EXOC6B: variants seen among roughly 807,000 people sequenced by gnomAD.
EXOC6B encodes exocyst complex component 6B, also known as SEC15 homolog B.
A neutral mutation model predicts 113.5 loss-of-function variants in EXOC6B; 54 were observed. The ratio of observed to expected loss-of-function variants is 0.48; its 90% CI spans 0.38 to 0.60. The LOEUF is 0.60. Among genes scored for constraint, EXOC6B ranks in the 20% least tolerant of loss-of-function variants. EXOC6B has a pLI of 0.00. For synonymous variants in EXOC6B, 357 were observed against 339.0 expected (o/e 1.05, Z -0.58); for missense variants, 797 against 977.5 (o/e 0.82, Z 2.46).
At position 72,791,495 on chromosome 2, in the gene EXOC6B, C is replaced by A. The variant is rs983944413; in HGVS notation, c.113+34303G>T. ...GAGGGAAGTTGAGGCTGTGGCAAAC[C>A]AAGACAGTGCCACTGCACTCCAGCC... On this transcript the variant is annotated intron_variant, in intron 1 of 21. Transcript: ENST00000272427. Among the ~76,000 whole-genome samples the A allele has an allele frequency of 3.3e-5, 5 of 152,146 alleles. No homozygotes were observed. The East Asian group carries it at 7.7e-4, about 23-fold the overall frequency.
At chr2:72,780,415 T>A (rs553477693) in intron 1 of EXOC6B, among the ~76,000 whole-genome samples, 200 of 152,342 alleles carry the variant, frequency 1.3e-3, no homozygotes, top group Non-Finnish European at 2.4e-3. Flanking sequence ...TTTTTCAGCA[T>A]TTTTTGTTGT....
intron 1 of EXOC6B, among the ~76,000 whole-genome samples, chr2:72,782,383 T>G (rs1488997747): frequency 6.6e-6 from 1 of 152,162 alleles, no homozygotes; most frequent in African/African-American, 2.4e-5. Flanking sequence ...TCTTTTTTAT[T>G]TTTTAAAATT....
At chr2:72,372,245 C>G (rs771053740) in intron 19 of EXOC6B, among the ~76,000 whole-genome samples, 4 of 152,068 alleles carry the variant, frequency 2.6e-5, no homozygotes, top group Non-Finnish European at 5.9e-5. Context: ...CCATATTACC[C>G]AAAGCAATCT....
At chr2:72,473,828 ATTTG>A (rs1698556120) in intron 17 of EXOC6B, among the ~76,000 whole-genome samples, 1 of 150,766 alleles carries the variant, frequency 6.6e-6, no homozygotes, top group South Asian at 2.1e-4. Flanking sequence ...TCTCTTCTTC[ATTTG>A]TTTGTTTGCT....
At chr2:72,557,805 AT>A (rs1169014056) in intron 8 of EXOC6B, among the ~76,000 whole-genome samples, 2 of 151,988 alleles carry the variant, frequency 1.3e-5, no homozygotes, top group East Asian at 1.9e-4. Flanking sequence ...CCAAACCTAA[AT>A]TTTTTTTAAA....
intron 1 of EXOC6B, among the ~76,000 whole-genome samples, chr2:72,750,141 C>T (rs1681949784): frequency 6.6e-6 from 1 of 151,768 alleles, no homozygotes; most frequent in African/African-American, 2.4e-5. Context: ...CATTCAACTC[C>T]TGGTCCAATT....
chr2:72,396,255 G>A (rs1190883205), intron 18 of EXOC6B, among the ~76,000 whole-genome samples: 1 of 152,080 alleles, frequency 6.6e-6, no homozygotes, highest in African/African-American at 2.4e-5. Context: ...AGCTGTAAAA[G>A]AGGAAACTTC....
chr2:72,676,782 G>A (rs2104525669), intron 6 of EXOC6B, among the ~76,000 whole-genome samples: 1 of 152,190 alleles, frequency 6.6e-6, no homozygotes, highest in South Asian at 2.1e-4. Context: ...ACCAAAGAGG[G>A]CAAGAAAAAT....
At chr2:72,450,735 A>G (rs925839907) in intron 18 of EXOC6B, among the ~76,000 whole-genome samples, 8 of 152,220 alleles carry the variant, frequency 5.3e-5, no homozygotes, top group Non-Finnish European at 8.8e-5. Flanking sequence ...ATCTTCCCTC[A>G]ATAGCATAGA....
chr2:72,499,693 A>AT (rs1328276543), intron 12 of EXOC6B, among the ~76,000 whole-genome samples: 1 of 151,858 alleles, frequency 6.6e-6, no homozygotes, highest in Non-Finnish European at 1.5e-5. Flanking sequence ...GCTACTGGTG[A>AT]TTTTTTATGT....
chr2:72,367,906 C>T (rs1283531464), intron 19 of EXOC6B, among the ~76,000 whole-genome samples: 1 of 152,192 alleles, frequency 6.6e-6, no homozygotes, highest in African/African-American at 2.4e-5. Context: ...GAGCTCTCAG[C>T]AAGCCTCATT....
At chr2:72,377,806 T>C (rs1691443667) in intron 19 of EXOC6B, among the ~76,000 whole-genome samples, 1 of 152,172 alleles carries the variant, frequency 6.6e-6, no homozygotes, top group African/African-American at 2.4e-5. Flanking sequence ...AATAACAATG[T>C]ACTGAAATCT....
chr2:72,711,822 G>C (rs1446475368), intron 6 of EXOC6B, among the ~76,000 whole-genome samples: 1 of 152,140 alleles, frequency 6.6e-6, no homozygotes, highest in East Asian at 1.9e-4. Flanking sequence ...ATACAGCATG[G>C]ATACGCTGGA....
intron 6 of EXOC6B, among the ~76,000 whole-genome samples, chr2:72,670,899 G>T (rs183103320): frequency 1.6e-3 from 236 of 152,166 alleles, no homozygotes; most frequent in African/African-American, 5.0e-3. Flanking sequence ...GTTCTATGAT[G>T]AATCCCAGAA....
At chr2:72,228,539 G>A (rs1483952150) in intron 20 of EXOC6B, among the ~76,000 whole-genome samples, 1 of 151,674 alleles carries the variant, frequency 6.6e-6, no homozygotes, top group Non-Finnish European at 1.5e-5. Context: ...CCTTGCGATA[G>A]TTTGCTGAGA....
chr2:72,305,918 T>C (rs186645624), intron 20 of EXOC6B, among the ~76,000 whole-genome samples: 92 of 152,162 alleles, frequency 6.0e-4, no homozygotes, highest in African/African-American at 2.2e-3. Context: ...ACAATCTAGG[T>C]CTTAGAAGTT....
At chr2:72,530,712 T>G (rs1701958890) in intron 8 of EXOC6B, among the ~76,000 whole-genome samples, 1 of 152,176 alleles carries the variant, frequency 6.6e-6, no homozygotes, top group Non-Finnish European at 1.5e-5. Context: ...ATTTACCCTT[T>G]CCGTTTTATT....
intron 6 of EXOC6B, among the ~76,000 whole-genome samples, chr2:72,692,688 C>T (rs983610519): frequency 2.0e-5 from 3 of 152,138 alleles, no homozygotes; most frequent in Non-Finnish European, 4.4e-5. Flanking sequence ...GAATGCTTCA[C>T]GTAAGATGAA....
chr2:72,541,545 A>G (rs1702602928), intron 8 of EXOC6B, among the ~76,000 whole-genome samples: 1 of 152,132 alleles, frequency 6.6e-6, no homozygotes, highest in Admixed American at 6.6e-5. Flanking sequence ...TCTAGATTAT[A>G]ATTTTTATAA....
Sources: allele counts gnomAD v4.1 joint callset (sites outside exome capture counted in the v4.1 genomes callset), GRCh38; gene constraint gnomAD v4.1.1; transcripts MANE v1.5; gene names NCBI Gene and HGNC (gene_info 2026-07-23, HGNC 2026-07-21).